The following CNTN4 variants were observed in gnomAD, a reference collection of about 807,000 sequenced individuals.
CNTN4 encodes the protein contactin-4.
Under a neutral mutation model 122.5 loss-of-function variants are expected in CNTN4, and 77 were observed. The ratio of observed to expected loss-of-function variants is 0.63; its 90% CI spans 0.52 to 0.76. The LOEUF (loss-of-function observed/expected upper bound fraction) is 0.76, where lower values mean the gene tolerates loss of function less well. CNTN4 is among the 30% of genes least tolerant of loss of function. The pLI is 0.00. For synonymous variants in CNTN4, 512 were observed against 447.0 expected (o/e 1.15, Z -1.83); for missense variants, 1,256 against 1,259.1 (o/e 1.00, Z 0.04).
chr3:3,003,468 T>C (rs948048550), intron 14 of CNTN4, among the ~76,000 whole-genome samples: 5 of 152,032 alleles, frequency 3.3e-5, no homozygotes, highest in Admixed American at 1.3e-4. Context: ...GAAAATATGA[T>C]GCTAAGTGAA....
At chr3:2,890,331 G>T in intron 10 of CNTN4, among the ~76,000 whole-genome samples, 1 of 151,984 alleles carries the variant, frequency 6.6e-6, no homozygotes, top group Admixed American at 6.6e-5. Flanking sequence ...AGCTGCATAG[G>T]TCTCCAATTT....
At chr3:3,043,753 G>A in intron 23 of CNTN4, 49 bp downstream of exon 23, 3 of 1,161,910 alleles carry the variant, frequency 2.6e-6, no homozygotes, top group Non-Finnish European at 3.9e-6. Context: ...TGTGAGTGGG[G>A]GCAGTCTCCT....
intron 2 of CNTN4, among the ~76,000 whole-genome samples, chr3:2,175,115 T>C (rs529752633): frequency 5.2e-4 from 79 of 152,354 alleles, no homozygotes; most frequent in African/African-American, 1.8e-3. Flanking sequence ...TATGGAAATA[T>C]GTATAAGACA....
intron 2 of CNTN4, among the ~76,000 whole-genome samples, chr3:2,279,454 G>C (rs181497761): frequency 2.0e-5 from 3 of 152,252 alleles, no homozygotes; most frequent in Non-Finnish European, 4.4e-5. Context: ...GAACAAGGGA[G>C]ACATCATCAC....
intron 4 of CNTN4, among the ~76,000 whole-genome samples, chr3:2,592,493 A>G (rs944651052): frequency 1.3e-5 from 2 of 152,152 alleles, no homozygotes; most frequent in Non-Finnish European, 2.9e-5. Flanking sequence ...AGATGATTGA[A>G]TCATGGGGAT....
intron 4 of CNTN4, among the ~76,000 whole-genome samples, chr3:2,692,933 T>G (rs1322051920): frequency 6.6e-6 from 1 of 152,168 alleles, no homozygotes; most frequent in Non-Finnish European, 1.5e-5. Flanking sequence ...TATCAAATTT[T>G]TTTCTATTAT....
At position 2,385,690 on chromosome 3, in the gene CNTN4, G is replaced by T. The variant is rs910341931; in HGVS notation, c.-89+46457G>T. ...CTCTCATCCTCCATCTTCACATGCT[G>T]CATTCCCTGTATGCCTGTGTGTTCA... On this transcript the variant is annotated intron_variant, in intron 3 of 24. Transcript: ENST00000418658. This position sits in a 1 kb window ranked among gnomAD's most constrained non-coding sequence, Gnocchi z 4.0. 1.3e-5 allele frequency among the ~76,000 whole-genome samples: 2 copies of T among 152,042 alleles called. No homozygotes were observed. Among genetic ancestry groups the T allele is most frequent in the Non-Finnish European group, 2.9e-5 (2 of 68,022 alleles).
chr3:2,408,683 G>T (rs148109435), intron 3 of CNTN4, among the ~76,000 whole-genome samples: 22 of 152,242 alleles, frequency 1.4e-4, no homozygotes, highest in African/African-American at 5.1e-4. Flanking sequence ...CTATCAATAT[G>T]TGCTATCTCA....
chr3:2,176,751 C>T (rs2036764900), intron 2 of CNTN4, among the ~76,000 whole-genome samples: 1 of 152,028 alleles, frequency 6.6e-6, no homozygotes. Context: ...TTTGATATAG[C>T]TTAGGAGATT....
At chr3:2,923,657 G>T (rs542580931) in intron 12 of CNTN4, among the ~76,000 whole-genome samples, 1 of 152,258 alleles carries the variant, frequency 6.6e-6, no homozygotes, top group East Asian at 1.9e-4. Flanking sequence ...TTATTTCATA[G>T]CTTAGCAATC....
intron 3 of CNTN4, among the ~76,000 whole-genome samples, chr3:2,548,111 C>A (rs1056518323): frequency 6.6e-6 from 1 of 152,110 alleles, no homozygotes; most frequent in Non-Finnish European, 1.5e-5. Context: ...AAAATTTTCT[C>A]CCATTCTGTA....
intron 2 of CNTN4, among the ~76,000 whole-genome samples, chr3:2,147,379 C>CA (rs543639497): frequency 1.4e-3 from 201 of 145,346 alleles, no homozygotes; most frequent in African/African-American, 4.2e-3. Context: ...TTAAAAATAG[C>CA]AAAAAAAAAA....
intron 3 of CNTN4, among the ~76,000 whole-genome samples, chr3:2,379,585 A>C (rs1354293559): frequency 6.6e-6 from 1 of 152,198 alleles, no homozygotes; most frequent in Non-Finnish European, 1.5e-5. Context: ...ATGAGTATTT[A>C]TAAAATATGT....
chr3:2,758,000 C>T (rs2090415607), intron 6 of CNTN4, among the ~76,000 whole-genome samples: 1 of 152,144 alleles, frequency 6.6e-6, no homozygotes, highest in Non-Finnish European at 1.5e-5. Context: ...CAGATTTGTT[C>T]ATTTGTTCAT....
intron 2 of CNTN4, among the ~76,000 whole-genome samples, chr3:2,169,992 T>G (rs191708653): frequency 5.3e-5 from 8 of 152,240 alleles, no homozygotes; most frequent in Non-Finnish European, 1.0e-4. Context: ...ATAAGATAAA[T>G]GAAACTAGTT....
intron 14 of CNTN4, among the ~76,000 whole-genome samples, chr3:3,004,155 TAA>T (rs113655726): frequency 1.4e-5 from 2 of 147,356 alleles, no homozygotes; most frequent in Non-Finnish European, 3.0e-5. Flanking sequence ...TTTGCACACT[TAA>T]AAAAAAAAAG....
intron 2 of CNTN4, among the ~76,000 whole-genome samples, chr3:2,181,178 A>G (rs1308488320): frequency 1.3e-5 from 2 of 152,146 alleles, no homozygotes; most frequent in Admixed American, 1.3e-4. Context: ...CATTATTGAA[A>G]AAAATATATT....
chr3:2,719,855 A>G (rs928958123), intron 4 of CNTN4, among the ~76,000 whole-genome samples: 7 of 152,340 alleles, frequency 4.6e-5, no homozygotes, highest in Admixed American at 3.9e-4. Flanking sequence ...ATTATAAACA[A>G]TAGTTGACAA....
At chr3:2,147,139 AAAGT>A (rs1475773827) in intron 2 of CNTN4, among the ~76,000 whole-genome samples, 1 of 152,120 alleles carries the variant, frequency 6.6e-6, no homozygotes, top group African/African-American at 2.4e-5. Flanking sequence ...TTGGCCTCCC[AAAGT>A]GCTGGGATTA....
Sources: allele counts gnomAD v4.1 joint callset (sites outside exome capture counted in the v4.1 genomes callset), GRCh38; gene constraint gnomAD v4.1.1; non-coding constraint Gnocchi (gnomAD v3.1); transcripts MANE v1.5; gene names NCBI Gene and HGNC (gene_info 2026-07-23, HGNC 2026-07-21).